PDE10A: variants seen among roughly 807,000 people sequenced by gnomAD.
PDE10A encodes the protein phosphodiesterase 10A.
PDE10A carries 39 observed loss-of-function variants against 97.7 expected under a neutral mutation model. The ratio of observed to expected loss-of-function variants is 0.40; its 90% CI spans 0.31 to 0.52. PDE10A has a LOEUF of 0.52. PDE10A is among the 20% of genes least tolerant of loss of function. The probability of loss-of-function intolerance (pLI) is 0.56; values close to 1 mark genes in which losing one functional copy is unlikely to be tolerated. For missense variants in PDE10A, 731 were observed against 1,047.8 expected (o/e 0.70, Z 4.17); for synonymous variants, 371 against 376.8 (o/e 0.98, Z 0.18).
At chr6:165,354,872 A>T (rs1782926681) in intron 18 of PDE10A, among the ~76,000 whole-genome samples, 1 of 152,226 alleles carries the variant, frequency 6.6e-6, no homozygotes, top group South Asian at 2.1e-4. Context: ...AGTCCATCTC[A>T]TATGACAGCA....
intron 1 of PDE10A, chr6:165,773,310 G>A (rs1180440406): frequency 2.6e-5 from 4 of 152,090 alleles, no homozygotes; most frequent in African/African-American, 9.7e-5. Context: ...CTGAAAATAT[G>A]GCCAATAACT....
intron 1 of PDE10A, among the ~76,000 whole-genome samples, chr6:165,838,049 G>A (rs1323550219): frequency 6.6e-6 from 1 of 152,174 alleles, no homozygotes; most frequent in Non-Finnish European, 1.5e-5. Flanking sequence ...AACTAGAAAC[G>A]TACAAGCTTC....
chr6:165,978,284 A>G (rs1401915060), intron 1 of PDE10A, among the ~76,000 whole-genome samples: 1 of 152,262 alleles, frequency 6.6e-6, no homozygotes, highest in Non-Finnish European at 1.5e-5. Flanking sequence ...ATCCAAATTT[A>G]TATAATTATG....
In PDE10A at chr6:165,413,747, C is replaced by G. The variant is rs547456916; in HGVS notation, c.1890-60G>C. 299 of 1,343,134 alleles carry G rather than the reference C, an allele frequency of 2.2e-4. 3 individuals carry two copies. The South Asian group carries it at 3.6e-3, about 16-fold the overall frequency. The allele number at this position is 1,343,134 out of a possible 1,614,324, so 83.2% of individuals were successfully genotyped here. ...ACAAAAGGGCAGAAGAAATAAAGGA[C>G]ACAGTCAGTCATAAATCTCCCCTCA... On this transcript the variant is annotated intron_variant, in intron 12 of 21. Transcript: ENST00000539869.
intron 1 of PDE10A, among the ~76,000 whole-genome samples, chr6:165,879,614 G>A (rs1011219261): frequency 4.6e-5 from 7 of 152,188 alleles, no homozygotes; most frequent in African/African-American, 9.6e-5. Context: ...CAAAATCCTC[G>A]GATGCTCAAG....
chr6:165,371,444 A>C (rs1784242106), intron 18 of PDE10A, among the ~76,000 whole-genome samples: 1 of 152,132 alleles, frequency 6.6e-6, no homozygotes, highest in African/African-American at 2.4e-5. Context: ...AGAATACTAC[A>C]AACACCTCTA....
chr6:165,726,102 A>G (rs1792287728), intron 1 of PDE10A, among the ~76,000 whole-genome samples: 1 of 152,202 alleles, frequency 6.6e-6, no homozygotes, highest in Non-Finnish European at 1.5e-5. Context: ...ATTCCTGTGC[A>G]TAGGCAACGC....
At chr6:165,619,251 AGTC>A (rs1450909619) in intron 1 of PDE10A, among the ~76,000 whole-genome samples, 1 of 144,152 alleles carries the variant, frequency 6.9e-6, no homozygotes, top group Non-Finnish European at 1.5e-5. Context: ...GGTGTAGTGT[AGTC>A]TAGTGTAGTG....
At chr6:165,849,570 T>C (rs1780517010) in intron 1 of PDE10A, among the ~76,000 whole-genome samples, 1 of 152,234 alleles carries the variant, frequency 6.6e-6, no homozygotes, top group Non-Finnish European at 1.5e-5. Context: ...AAAACGCACC[T>C]CATGTATTCC....
At chr6:165,660,123 G>T (rs1391678025) in intron 1 of PDE10A, 1 of 152,440 alleles carries the variant, frequency 6.6e-6, no homozygotes, top group Admixed American at 6.5e-5. Flanking sequence ...CACCAGATAG[G>T]GGACCAGGAG....
At chr6:165,981,916 A>G (rs1471593532) in intron 1 of PDE10A, among the ~76,000 whole-genome samples, 4 of 152,220 alleles carry the variant, frequency 2.6e-5, no homozygotes, top group Non-Finnish European at 4.4e-5. Flanking sequence ...GGAAAGATCA[A>G]TCCAGCTGAT....
At chr6:165,383,850 C>T (rs1407237319) in intron 17 of PDE10A, among the ~76,000 whole-genome samples, 2 of 152,146 alleles carry the variant, frequency 1.3e-5, no homozygotes, top group Non-Finnish European at 2.9e-5. Context: ...GTACCCCAGT[C>T]ATGTGGGGAT....
chr6:165,712,727 C>T (rs1225172354), intron 1 of PDE10A, among the ~76,000 whole-genome samples: 1 of 150,346 alleles, frequency 6.7e-6, no homozygotes, highest in Non-Finnish European at 1.5e-5. Context: ...GCAAGCTCTG[C>T]CTCCCGGGTT....
At chr6:165,848,191 T>C (rs1462730414) in intron 1 of PDE10A, among the ~76,000 whole-genome samples, 2 of 152,194 alleles carry the variant, frequency 1.3e-5, no homozygotes, top group Non-Finnish European at 2.9e-5. Context: ...GACGCATTCA[T>C]TCTACAAGCA....
At chr6:165,712,625 T>A (rs1007415415) in intron 1 of PDE10A, among the ~76,000 whole-genome samples, 8 of 131,822 alleles carry the variant, frequency 6.1e-5, no homozygotes, top group Non-Finnish European at 1.3e-4. Flanking sequence ...CGTTTCAACT[T>A]TCTTTCTTTT....
At chr6:165,918,343 T>G (rs1266654068) in intron 1 of PDE10A, among the ~76,000 whole-genome samples, 1 of 152,226 alleles carries the variant, frequency 6.6e-6, no homozygotes, top group Non-Finnish European at 1.5e-5. Context: ...TAATACACGT[T>G]TTCAGACTTT....
chr6:165,408,806 G>T (rs1787440021), intron 13 of PDE10A, among the ~76,000 whole-genome samples: 1 of 152,028 alleles, frequency 6.6e-6, no homozygotes, highest in African/African-American at 2.4e-5. Context: ...TATTCCTTTT[G>T]AGTTGGAAAA....
chr6:165,644,851 T>C (rs527751875), intron 1 of PDE10A, among the ~76,000 whole-genome samples: 1 of 152,326 alleles, frequency 6.6e-6, no homozygotes, highest in Admixed American at 6.5e-5. Context: ...TGGACGGTCA[T>C]GAGCAAGGCC....
intron 1 of PDE10A, among the ~76,000 whole-genome samples, chr6:165,980,300 T>C (rs1443260339): frequency 6.6e-6 from 1 of 152,212 alleles, no homozygotes; most frequent in Non-Finnish European, 1.5e-5. Context: ...GTTCAAATAG[T>C]TATCATTTCT....
Sources: gnomAD v4.1 joint callset for allele counts (sites outside exome capture counted in the v4.1 genomes callset) on GRCh38, gnomAD v4.1.1 for gene constraint, MANE v1.5 for transcripts, NCBI Gene and HGNC (gene_info 2026-07-23, HGNC 2026-07-21) for gene names.